The following UBR3 variants were observed in gnomAD, a reference collection of about 807,000 sequenced individuals.
UBR3 encodes E3 ubiquitin-protein ligase UBR3.
Under a neutral mutation model 243.2 loss-of-function variants are expected in UBR3, and 85 were observed. That is an observed-to-expected ratio of 0.35 (90% CI 0.29 to 0.42). The LOEUF (loss-of-function observed/expected upper bound fraction) is 0.42, where lower values mean the gene tolerates loss of function less well. Among genes scored for constraint, UBR3 ranks in the 10% least tolerant of loss-of-function variants. The pLI, the probability that UBR3 is intolerant of heterozygous loss-of-function variation, is 1.00. For missense variants in UBR3, 1,686 were observed against 2,300.8 expected (o/e 0.73, Z 5.47); for synonymous variants, 748 against 799.8 (o/e 0.94, Z 1.09).
chr2:169,991,347 T>C (rs2089265928), intron 25 of UBR3, among the ~76,000 whole-genome samples: 2 of 152,186 alleles, frequency 1.3e-5, no homozygotes, highest in African/African-American at 2.4e-5. Flanking sequence ...AACAGACTTA[T>C]ATAGAACACT....
Position 169,964,137 on chromosome 2 carries a change from AT to A in UBR3, c.3634+5612del, listed in dbSNP as rs200629531. Among the ~76,000 whole-genome samples the A allele has an allele frequency of 4.2e-3, 645 of 152,278 alleles. 8 individuals are homozygous for A. Among genetic ancestry groups the A allele is most frequent in the East Asian group, 0.025 (130 of 5,178 alleles). On this transcript the variant is annotated intron_variant, in intron 24 of 38. Coordinates refer to ENST00000272793, the MANE Select transcript of UBR3 (RefSeq NM_172070.4). ...TTTAAATTTCTTAAATTTAAAAAAAATGTTTAAAAAGTATAACAAATTTTAA... is the reference window on the plus strand; with the variant it reads ...TTTAAATTTCTTAAATTTAAAAAAAAGTTTAAAAAGTATAACAAATTTTAA...
At chr2:170,078,264 A>G (rs1002545221) in intron 36 of UBR3, 5 of 412,912 alleles carry the variant, frequency 1.2e-5, no homozygotes, top group Non-Finnish European at 1.8e-5. Context: ...TGGCATTTAC[A>G]GTGTAATTCA....
chr2:169,996,682 T>C (rs2089490086), intron 26 of UBR3, among the ~76,000 whole-genome samples: 1 of 143,770 alleles, frequency 7.0e-6, no homozygotes, highest in African/African-American at 2.5e-5. Context: ...TCTTTATTGC[T>C]TTGGACTTTT....
chr2:169,860,825 C>T (rs2083061657), intron 1 of UBR3, among the ~76,000 whole-genome samples: 1 of 152,114 alleles, frequency 6.6e-6, no homozygotes, highest in East Asian at 1.9e-4. Context: ...CACGATAGGT[C>T]ATCTGCAAGT....
At position 170,001,427 on chromosome 2, in the gene UBR3, C is replaced by T. The variant is rs545001701; in HGVS notation, c.4029+13C>T. On this transcript the variant is annotated intron_variant, in intron 27 of 38. Coordinates refer to ENST00000272793, the MANE Select transcript of UBR3 (RefSeq NM_172070.4). ...GGAATCATTACGGGTAAGTTGATTG[C>T]AAAAATTTTTTAAAGGTGCATGTAT... 2.5e-6 allele frequency: 4 copies of T among 1,577,934 alleles called. No individual in the cohort carries two copies. The South Asian group carries it at 4.5e-5, about 18-fold the overall frequency.
rs16857269 is a variant in UBR3 at position 169,911,736 on chromosome 2, C to G, written c.1780-2324C>G. Among the ~76,000 whole-genome samples the G allele has an allele frequency of 4.6e-3, 695 of 152,158 alleles. 6 individuals are homozygous for G. The highest frequency in any genetic ancestry group is 0.016 in the African/African-American group (654 of 41,522). The stretch of plus-strand genomic sequence containing the variant: ...GAGCATGTAATGGTACCTCATTGCC[C>G]AAATGCTTGATGAAATAGGAGAACT... On this transcript the variant is annotated intron_variant, in intron 10 of 38. Transcript: ENST00000272793.
At chr2:169,862,591 T>G (rs2105303357) in intron 1 of UBR3, among the ~76,000 whole-genome samples, 1 of 152,342 alleles carries the variant, frequency 6.6e-6, no homozygotes, top group Non-Finnish European at 1.5e-5. Flanking sequence ...CTTTTATTAC[T>G]CTTGTTTTTC....
At chr2:169,976,624 T>A (rs932429148) in intron 24 of UBR3, among the ~76,000 whole-genome samples, 2 of 152,220 alleles carry the variant, frequency 1.3e-5, no homozygotes, top group Non-Finnish European at 2.9e-5. Context: ...GAGAAATCTG[T>A]TCTTAGTCTA....
intron 18 of UBR3, among the ~76,000 whole-genome samples, chr2:169,932,530 T>C (rs562160957): frequency 6.6e-6 from 1 of 152,300 alleles, no homozygotes; most frequent in East Asian, 1.9e-4. Context: ...TCCCAAGTAG[T>C]TGGGACTAGA....
At chr2:169,926,259 C>A (rs2085904387) in intron 14 of UBR3, among the ~76,000 whole-genome samples, 1 of 152,112 alleles carries the variant, frequency 6.6e-6, no homozygotes, top group Non-Finnish European at 1.5e-5. Flanking sequence ...GTCTGTAATG[C>A]CCCTCAAGAT....
At chr2:169,876,125 C>T (rs1355563594) in intron 3 of UBR3, among the ~76,000 whole-genome samples, 176 bp downstream of exon 3, 3 of 150,890 alleles carry the variant, frequency 2.0e-5, no homozygotes, top group Non-Finnish European at 2.9e-5. Flanking sequence ...GCTCTGTCGC[C>T]CAGGCTGGAG....
chr2:169,938,409 C>T lies in UBR3; in HGVS notation c.2664-4084C>T, dbSNP rs112914399. 6.5e-3 allele frequency among the ~76,000 whole-genome samples: 980 copies of T among 151,722 alleles called. 11 individuals are homozygous for T. Among genetic ancestry groups the T allele is most frequent in the African/African-American group, 0.022 (914 of 41,330 alleles). On this transcript the variant is annotated intron_variant, in intron 19 of 38. Coordinates refer to ENST00000272793, the MANE Select transcript of UBR3 (RefSeq NM_172070.4). ...CCGAGTAGCTGGGACTACAGACATA[C>T]GCCATCACACATGGCTAATTTTTGA...
intron 31 of UBR3, among the ~76,000 whole-genome samples, chr2:170,033,530 AG>A (rs1220949252): frequency 7.0e-6 from 1 of 142,396 alleles, no homozygotes; most frequent in African/African-American, 2.6e-5. Flanking sequence ...TTCTTTTCCT[AG>A]TACTAGATCT....
intron 8 of UBR3, among the ~76,000 whole-genome samples, chr2:169,897,683 T>C (rs756817261): frequency 3.3e-5 from 5 of 152,020 alleles, no homozygotes; most frequent in Non-Finnish European, 5.9e-5. Context: ...GTATTTTTAG[T>C]AGAGATGGGG....
intron 19 of UBR3, among the ~76,000 whole-genome samples, chr2:169,937,277 A>G (rs532537934): frequency 1.6e-4 from 24 of 152,218 alleles, no homozygotes; most frequent in African/African-American, 5.3e-4. Flanking sequence ...GCATTTTTTC[A>G]TATGTCTGTT....
intron 35 of UBR3, among the ~76,000 whole-genome samples, chr2:170,071,890 T>C (rs1222384391): frequency 6.6e-6 from 1 of 152,188 alleles, no homozygotes; most frequent in African/African-American, 2.4e-5. Flanking sequence ...GCAAATTTGA[T>C]TTTAAAGCAG....
chr2:170,066,993 T>TAATAATAATAATAATAAA (rs71006067), intron 35 of UBR3, among the ~76,000 whole-genome samples: 12,229 of 143,998 alleles, frequency 0.085, 586 homozygotes, highest in Non-Finnish European at 0.12. Flanking sequence ...ATAATAATAA[T>TAATAATAATAATAATAAA]AAACTTCATT....
Position 169,942,557 on chromosome 2 carries a change from C to T in UBR3, c.2728C>T (p.His910Tyr), listed in dbSNP as rs1258271608. The change falls in exon 20 of 39, where the codon CAT becomes TAT. Residue 910 changes from histidine to tyrosine, a missense_variant. His to Tyr is a moderately conservative substitution (Grantham distance 83). This residue lies in a region of UBR3 where 300 missense variants were observed against 314.4 expected (regional missense o/e 0.95). Coordinates refer to ENST00000272793, the MANE Select transcript of UBR3 (RefSeq NM_172070.4). ...TCCATATAAGAAAAGGACATCACTCCATCCTAGCTATAAAGGTCTTATGAG... is the reference window on the plus strand; with the variant it reads ...TCCATATAAGAAAAGGACATCACTCTATCCTAGCTATAAAGGTCTTATGAG... ...WPPYKKRTSL[H>Y]PSYKGLMRLL... 4 of 1,550,462 alleles carry T rather than the reference C, an allele frequency of 2.6e-6. No individual in the cohort carries two copies. Among genetic ancestry groups the T allele is most frequent in the African/African-American group, 2.7e-5 (2 of 73,010 alleles).
rs116024558 is a variant in UBR3, at chr2:169,928,422, C to T, written c.2425-305C>T. Among the ~76,000 whole-genome samples, 1,213 of 152,064 alleles carry T rather than the reference C, an allele frequency of 8.0e-3. 19 individuals carry two copies. Among genetic ancestry groups the T allele is most frequent in the African/African-American group, 0.028 (1,151 of 41,482 alleles). On this transcript the variant is annotated intron_variant, in intron 17 of 38. Coordinates refer to ENST00000272793, the MANE Select transcript of UBR3 (RefSeq NM_172070.4). ...TTACAAAATGGTAAAAATGAAGACACATTTTTAAAAGTTTTTCTATCGTTT... is the reference window on the plus strand; with the variant it reads ...TTACAAAATGGTAAAAATGAAGACATATTTTTAAAAGTTTTTCTATCGTTT...
Sources: gnomAD v4.1 joint callset for allele counts (sites outside exome capture counted in the v4.1 genomes callset) on GRCh38, gnomAD v4.1.1 for gene constraint, gnomAD v4.1.1 regional missense constraint, MANE v1.5 for transcripts, NCBI Gene and HGNC (gene_info 2026-07-23, HGNC 2026-07-21) for gene names.